ASH1L: variants seen among roughly 807,000 people sequenced by gnomAD.
ASH1L encodes the protein histone-lysine N-methyltransferase ASH1L.
ASH1L carries 23 observed loss-of-function variants against 269.0 expected under a neutral mutation model. That is an observed-to-expected ratio of 0.09 (90% CI 0.06 to 0.12). The LOEUF is 0.12. ASH1L is among the 10% of genes least tolerant of loss of function. The pLI, the probability that ASH1L is intolerant of heterozygous loss-of-function variation, is 1.00. For synonymous variants in ASH1L, 1,187 were observed against 1,253.5 expected (o/e 0.95, Z 1.12); for missense variants, 2,912 against 3,567.8 (o/e 0.82, Z 4.68).
At chr1:155,348,845 C>A (rs1185412220) in intron 19 of ASH1L, among the ~76,000 whole-genome samples, 1 of 149,932 alleles carries the variant, frequency 6.7e-6, no homozygotes, top group Non-Finnish European at 1.5e-5. Context: ...CACGCTATTG[C>A]GCTCCAGCCT....
intron 2 of ASH1L, among the ~76,000 whole-genome samples, chr1:155,497,212 G>A (rs189415122): frequency 3.3e-5 from 5 of 152,194 alleles, no homozygotes; most frequent in East Asian, 1.9e-4. Context: ...AACTGGAACA[G>A]GTATTTGTAA....
intron 2 of ASH1L, among the ~76,000 whole-genome samples, chr1:155,488,502 C>CAAAA (rs368511587): frequency 4.8e-5 from 2 of 41,304 alleles, no homozygotes; most frequent in South Asian, 7.9e-4. Context: ...ACTAAAAATA[C>CAAAA]AAAAAAAAAA....
At chr1:155,559,842 T>C (rs1476250468) in intron 1 of ASH1L, among the ~76,000 whole-genome samples, 1 of 151,990 alleles carries the variant, frequency 6.6e-6, no homozygotes, top group African/African-American at 2.4e-5. Flanking sequence ...TAAGCTAAAC[T>C]CCAAGACAGG....
Position 155,378,546 on chromosome 1 carries a change from T to C in ASH1L, c.6180A>G (p.Leu2060=), listed in dbSNP as rs139009794. 8.7e-6 allele frequency: 14 copies of C among 1,609,716 alleles called. No homozygotes were observed. Among genetic ancestry groups the C allele is most frequent in the South Asian group, 5.6e-5 (5 of 90,022 alleles). The change falls in exon 9 of 28, where the codon CTA becomes CTG. Residue 2060 remains leucine, a splice_region_variant and synonymous_variant. Transcript: ENST00000392403. ...ATAGTGGGACATCTGGCTTTTTGTA[T>C]AGCTAGAAGAAAAGAAGAAAAATCT... The part of the protein sequence containing the change: ...DILWQWKHNQ[L]YKKPDVPLYK...
In ASH1L at chr1:155,336,366, CACACATATATATAT is replaced by C. The variant is rs1349470949; in HGVS notation, c.*1280_*1293del. 2.3e-4 allele frequency: 35 copies of C among 150,322 alleles called. No homozygotes were observed. Among genetic ancestry groups the C allele is most frequent in the Non-Finnish European group, 3.9e-4 (26 of 67,396 alleles). The allele number at this position is 150,322 out of a possible 1,614,324, so 9.3% of individuals were successfully genotyped here. A position where few individuals can be genotyped will look rare whatever the true frequency, so the allele number is the denominator to read the frequency against. On this transcript the variant is annotated 3_prime_UTR_variant, in exon 28 of 28. Coordinates refer to ENST00000392403, the MANE Select transcript of ASH1L (RefSeq NM_018489.3). ...GTGTGTGTGTGTATATATATACACA[CACACATATATATAT>C]ACACACACATACACACATATATATA...
chr1:155,480,951 T>C lies in ASH1L; in HGVS notation c.1919A>G (p.His640Arg). 6.2e-7 allele frequency: 1 copy of C among 1,614,098 alleles called. No homozygotes were observed. The highest frequency in any genetic ancestry group is 1.3e-5 in the African/African-American group (1 of 75,052). Residue 640 changes from histidine (H) to arginine (R), a missense_variant, in exon 3 of 28, where the codon CAT becomes CGT. His to Arg is a conservative substitution (Grantham distance 29). Transcript: ENST00000392403. The part of the protein sequence containing the change: ...DKEVNDSKTT[H>R]IDIPRISSSL... ...AGAGCTTATTCTTGGAATATCTATA[T>C]GGGTAGTTTTTGAATCATTTACCTC...
At chr1:155,448,115 C>T (rs1663171200) in intron 4 of ASH1L, among the ~76,000 whole-genome samples, 1 of 152,144 alleles carries the variant, frequency 6.6e-6, no homozygotes, top group African/African-American at 2.4e-5. Context: ...ATTGAAGAGA[C>T]TTTATGCTCT....
At chr1:155,399,053 A>C (rs1439174581) in intron 6 of ASH1L, among the ~76,000 whole-genome samples, 1 of 152,152 alleles carries the variant, frequency 6.6e-6, no homozygotes, top group Non-Finnish European at 1.5e-5. Flanking sequence ...TCAGGATAAA[A>C]TTTGGCACTT....
intron 10 of ASH1L, among the ~76,000 whole-genome samples, chr1:155,377,624 A>T (rs531711363): frequency 2.0e-5 from 3 of 152,254 alleles, no homozygotes; most frequent in Non-Finnish European, 2.9e-5. Flanking sequence ...AACTTCACAA[A>T]CATTGTTTAT....
chr1:155,402,086 TA>T (rs1032323478), intron 6 of ASH1L, among the ~76,000 whole-genome samples: 58 of 145,262 alleles, frequency 4.0e-4, no homozygotes, highest in Non-Finnish European at 4.4e-4. Context: ...CAAGACTGTC[TA>T]AAAAAAAAAA....
chr1:155,551,424 G>A (rs1203182590), intron 1 of ASH1L, among the ~76,000 whole-genome samples: 1 of 152,024 alleles, frequency 6.6e-6, no homozygotes, highest in Non-Finnish European at 1.5e-5. Context: ...ACTTTGGGAG[G>A]CCGAGGCGGG....
At chr1:155,436,354 G>A (rs1408386553) in intron 5 of ASH1L, among the ~76,000 whole-genome samples, 1 of 151,776 alleles carries the variant, frequency 6.6e-6, no homozygotes, top group African/African-American at 2.4e-5. Context: ...ACCATGCCCA[G>A]CTAATTTTGT....
Position 155,377,977 on chromosome 1 carries a change from C to A in ASH1L, c.6332+304G>T, listed in dbSNP as rs917605063. On this transcript the variant is annotated intron_variant, in intron 10 of 27. Transcript: ENST00000392403. ...GGCGGAGCTTGCAGTGAGCCGAGATCGCGCCACTGCACTCCAGCCTGGGCG... is the reference window on the plus strand; with the variant it reads ...GGCGGAGCTTGCAGTGAGCCGAGATAGCGCCACTGCACTCCAGCCTGGGCG... Among the ~76,000 whole-genome samples the A allele has an allele frequency of 2.2e-4, 33 of 151,428 alleles. No homozygotes were observed. The East Asian group carries it at 6.4e-3, about 29-fold the overall frequency.
At position 155,415,914 on chromosome 1, in the gene ASH1L, T is replaced by C; in HGVS notation, c.5838A>G (p.Glu1946=). ...EEQENNKSFN[E]APVEIPSPSE... ...AAGGACTGGGAATCTCAACTGGTGCTTCATTAAAGCTAGAAAGAGAAGTTT... is the reference window on the plus strand; with the variant it reads ...AAGGACTGGGAATCTCAACTGGTGCCTCATTAAAGCTAGAAAGAGAAGTTT... The change falls in exon 6 of 28, where the codon GAA becomes GAG. Residue 1946 remains glutamate (E), a synonymous_variant. Coordinates refer to ENST00000392403, the MANE Select transcript of ASH1L (RefSeq NM_018489.3). The C allele has an allele frequency of 1.3e-6, 2 of 1,554,952 alleles. No homozygotes were observed. Among genetic ancestry groups the C allele is most frequent in the South Asian group, 2.5e-5 (2 of 80,108 alleles).
chr1:155,482,795 T>C (rs1206974223), intron 2 of ASH1L, among the ~76,000 whole-genome samples: 4 of 152,166 alleles, frequency 2.6e-5, no homozygotes, highest in Non-Finnish European at 5.9e-5. Context: ...GCATATGAAG[T>C]TACCATTTTT....
chr1:155,422,277 C>T (rs1660751750), intron 5 of ASH1L, among the ~76,000 whole-genome samples: 1 of 149,282 alleles, frequency 6.7e-6, no homozygotes, highest in African/African-American at 2.5e-5. Context: ...GCTGGGATTA[C>T]AGGGTCACAC....
chr1:155,365,835 G>T (rs1655370848), intron 12 of ASH1L, among the ~76,000 whole-genome samples: 1 of 152,076 alleles, frequency 6.6e-6, no homozygotes. Flanking sequence ...GACACTTTCT[G>T]ACTGATCTCT....
intron 1 of ASH1L, among the ~76,000 whole-genome samples, chr1:155,555,269 G>T (rs889723475): frequency 6.6e-6 from 1 of 151,502 alleles, no homozygotes; most frequent in Admixed American, 6.6e-5. Flanking sequence ...GGCCGATGCG[G>T]GCTGATCACT....
chr1:155,393,709 C>T (rs1292546385), intron 7 of ASH1L, among the ~76,000 whole-genome samples: 1 of 151,994 alleles, frequency 6.6e-6, no homozygotes, highest in African/African-American at 2.4e-5. Flanking sequence ...TGCCTGCCAC[C>T]ATGCCCAGCT....
Sources: allele counts gnomAD v4.1 joint callset (sites outside exome capture counted in the v4.1 genomes callset), GRCh38; gene constraint gnomAD v4.1.1; transcripts MANE v1.5; gene names NCBI Gene and HGNC (gene_info 2026-07-23, HGNC 2026-07-21).